Variants in MTHFD1 observed in about 807,000 individuals in gnomAD.
The protein encoded by MTHFD1 is C-1-tetrahydrofolate synthase, cytoplasmic.
A neutral mutation model predicts 110.3 loss-of-function variants in MTHFD1; 44 were observed. That is an observed-to-expected ratio of 0.40 (90% CI 0.31 to 0.51). MTHFD1 has a LOEUF of 0.51. Among genes scored for constraint, MTHFD1 ranks in the 20% least tolerant of loss-of-function variants. The pLI is 0.60. For synonymous variants in MTHFD1, 402 were observed against 428.8 expected (o/e 0.94, Z 0.77); for missense variants, 909 against 1,173.1 (o/e 0.77, Z 3.29).
chr14:64,424,777 G>C, intron 8 of MTHFD1, 27 bp from the exon 9 acceptor site: 1 of 1,613,120 alleles, frequency 6.2e-7, no homozygotes, highest in Non-Finnish European at 8.5e-7. Context: ...CTGAGACTTA[G>C]TTTTGATTTC....
chr14:64,421,363 T>C (rs542732098), intron 8 of MTHFD1, among the ~76,000 whole-genome samples: 12 of 152,286 alleles, frequency 7.9e-5, no homozygotes, highest in African/African-American at 2.9e-4. Flanking sequence ...TGGAAGTCTT[T>C]TTTCTCCCTT....
At position 64,453,762 on chromosome 14, in the gene MTHFD1, T is replaced by C. The variant is rs761698995; in HGVS notation, c.2466T>C (p.Val822=). The C allele has an allele frequency of 1.2e-6, 2 of 1,604,946 alleles. No individual in the cohort carries two copies. The highest frequency in any genetic ancestry group is 3.3e-5 in the Admixed American group (2 of 59,998). The change falls in exon 25 of 28, where the codon GTT becomes GTC. Residue 822 remains valine, a synonymous_variant. Coordinates refer to ENST00000652337, the MANE Select transcript of MTHFD1 (RefSeq NM_005956.4). Reference sequence around the variant, plus strand: ...TCTTTCTTGTGCATTAGCTCCCAGTTGAGGATAAAATCAGGATCATTGCAC... The same window carrying C: ...TCTTTCTTGTGCATTAGCTCCCAGTCGAGGATAAAATCAGGATCATTGCAC... The part of the protein sequence containing the change: ...FQLLYDLKLP[V]EDKIRIIAQK...
At position 64,431,548 on chromosome 14, in the gene MTHFD1, C is replaced by T. The variant is rs758401964; in HGVS notation, c.1328C>T (p.Thr443Ile). 1 of 1,613,964 alleles carries T rather than the reference C, an allele frequency of 6.2e-7. No homozygotes were observed. The highest frequency in any genetic ancestry group is 2.2e-5 in the East Asian group (1 of 44,884). ...CTTTTGTAGTTTAATCTCCACCTCACAGGTGACATCCATGCCATCACTGCA... is the reference window on the plus strand; with the variant it reads ...CTTTTGTAGTTTAATCTCCACCTCATAGGTGACATCCATGCCATCACTGCA... ...IPMEEFNLHL[T>I]GDIHAITAAN... The change falls in exon 14 of 28, where the codon ACA (threonine) becomes ATA (isoleucine). Residue 443 changes from threonine to isoleucine, a missense_variant. Thr to Ile is a moderately conservative substitution (Grantham distance 89). Coordinates refer to ENST00000652337, the MANE Select transcript of MTHFD1 (RefSeq NM_005956.4).
chr14:64,412,586 GT>G, intron 4 of MTHFD1, 61 bp downstream of exon 4: 2 of 1,308,126 alleles, frequency 1.5e-6, no homozygotes, highest in East Asian at 2.3e-5. Flanking sequence ...TCTGGTTTTG[GT>G]TTACGGGGGC....
intron 8 of MTHFD1, among the ~76,000 whole-genome samples, chr14:64,421,651 T>A (rs992443579): frequency 5.3e-5 from 8 of 151,294 alleles, no homozygotes; most frequent in Non-Finnish European, 1.0e-4. Flanking sequence ...TGAGACGGAG[T>A]CTCGCTCTGT....
At chr14:64,396,159 A>G (rs2077847171) in intron 1 of MTHFD1, among the ~76,000 whole-genome samples, 1 of 152,168 alleles carries the variant, frequency 6.6e-6, no homozygotes, top group African/African-American at 2.4e-5. Context: ...ATTCTTATGT[A>G]ATAATAGTAC....
At chr14:64,394,673 C>G (rs1237561503) in intron 1 of MTHFD1, among the ~76,000 whole-genome samples, 3 of 152,018 alleles carry the variant, frequency 2.0e-5, no homozygotes, top group Non-Finnish European at 4.4e-5. Context: ...CTGTCAGGAA[C>G]TTAATCTTGA....
intron 24 of MTHFD1, among the ~76,000 whole-genome samples, chr14:64,451,692 C>G (rs972873302): frequency 6.6e-6 from 1 of 152,170 alleles, no homozygotes; most frequent in Non-Finnish European, 1.5e-5. Flanking sequence ...ACTTTAGAAC[C>G]CATTTCTACT....
intron 13 of MTHFD1, among the ~76,000 whole-genome samples, chr14:64,430,596 T>G (rs2078150400): frequency 6.6e-6 from 1 of 152,166 alleles, no homozygotes; most frequent in South Asian, 2.1e-4. Context: ...GCACCCAGCC[T>G]AGATTCTTTA....
At chr14:64,453,381 G>A (rs1030124065) in intron 24 of MTHFD1, among the ~76,000 whole-genome samples, 4 of 152,090 alleles carry the variant, frequency 2.6e-5, no homozygotes, top group Non-Finnish European at 5.9e-5. Context: ...AGACCAGCCT[G>A]ACCAACATGG....
chr14:64,407,516 A>G (rs1366581535), intron 2 of MTHFD1, among the ~76,000 whole-genome samples: 1 of 147,762 alleles, frequency 6.8e-6, no homozygotes, highest in Admixed American at 6.8e-5. Context: ...CCTCAGCCCC[A>G]TAGCCTCATT....
At chr14:64,401,575 C>T (rs2077897211) in intron 2 of MTHFD1, among the ~76,000 whole-genome samples, 2 of 151,674 alleles carry the variant, frequency 1.3e-5, no homozygotes, top group Admixed American at 6.6e-5. Context: ...TGGTGGTGGG[C>T]GCCTGTAATC....
chr14:64,454,158 G>A (rs187831955), intron 25 of MTHFD1, among the ~76,000 whole-genome samples: 10 of 152,288 alleles, frequency 6.6e-5, no homozygotes, highest in African/African-American at 2.4e-4. Context: ...CATTGCCCAG[G>A]CTAGAGTGCA....
intron 1 of MTHFD1, among the ~76,000 whole-genome samples, chr14:64,391,003 A>T (rs1177947496): frequency 6.6e-6 from 1 of 152,158 alleles, no homozygotes; most frequent in Non-Finnish European, 1.5e-5. Flanking sequence ...CGGATTAGGA[A>T]ATCATTTGAG....
intron 24 of MTHFD1, among the ~76,000 whole-genome samples, chr14:64,452,537 A>G (rs1322856157): frequency 6.6e-6 from 1 of 152,216 alleles, no homozygotes; most frequent in Non-Finnish European, 1.5e-5. Flanking sequence ...GAAACAGCCC[A>G]TGGGACTGAG....
intron 2 of MTHFD1, among the ~76,000 whole-genome samples, chr14:64,407,899 T>C (rs1032915338): frequency 6.6e-6 from 1 of 152,152 alleles, no homozygotes; most frequent in Admixed American, 6.5e-5. Context: ...GCTTTATGTA[T>C]AGTAACTCAT....
In MTHFD1 at chr14:64,431,513, G is replaced by A. The variant is rs747607390; in HGVS notation, c.1312-19G>A. ...TACAGAGCAGCTGGGAGACTAATGT[G>A]GCTTCTGTTCTTTTGTAGTTTAATC... On this transcript the variant is annotated intron_variant, in intron 13 of 27. Transcript: ENST00000652337. 6.3e-7 allele frequency: 1 copy of A among 1,588,066 alleles called. No homozygotes were observed. The highest frequency in any genetic ancestry group is 8.6e-7 in the Non-Finnish European group (1 of 1,156,876).
At chr14:64,433,240 G>A (rs954285980) in intron 15 of MTHFD1, among the ~76,000 whole-genome samples, 1 of 151,762 alleles carries the variant, frequency 6.6e-6, no homozygotes, top group Non-Finnish European at 1.5e-5. Flanking sequence ...TCCTGCCTCA[G>A]CCTGAATAGC....
rs767998951 is a variant in MTHFD1, at chr14:64,459,744, T to C, written c.*5-15T>C. ...TTGCTTAGAGAAAACATTTATTTCT[T>C]GTTTTTCCTTCCAGATCACCATCCA... On this transcript the variant is annotated splice_polypyrimidine_tract_variant and intron_variant, in intron 27 of 27. Transcript: ENST00000652337. 2 of 1,529,322 alleles carry C rather than the reference T, an allele frequency of 1.3e-6. No homozygotes were observed. Among genetic ancestry groups the C allele is most frequent in the South Asian group, 2.4e-5 (2 of 83,660 alleles). The allele number at this position is 1,529,322 out of a possible 1,614,324, so 94.7% of individuals were successfully genotyped here.
Sources: gnomAD v4.1 joint callset for allele counts (sites outside exome capture counted in the v4.1 genomes callset) on GRCh38, gnomAD v4.1.1 for gene constraint, MANE v1.5 for transcripts, NCBI Gene and HGNC (gene_info 2026-07-23, HGNC 2026-07-21) for gene names.